The following NHSL1 variants were observed in gnomAD, a reference collection of about 807,000 sequenced individuals.
NHSL1 encodes NHS-like protein 1.
Under a neutral mutation model 95.0 loss-of-function variants are expected in NHSL1, and 48 were observed. That is an observed-to-expected ratio of 0.51 (90% CI 0.40 to 0.64). The LOEUF (loss-of-function observed/expected upper bound fraction) is 0.64. Among genes scored for constraint, NHSL1 ranks in the 30% least tolerant of loss-of-function variants. The pLI is 0.00. For missense variants in NHSL1, 1,971 were observed against 2,077.7 expected (o/e 0.95, Z 1.00); for synonymous variants, 783 against 833.9 (o/e 0.94, Z 1.05).
intron 1 of NHSL1, chr6:138,571,628 T>C (rs1218265834): frequency 7.5e-7 from 1 of 1,332,486 alleles, no homozygotes; most frequent in East Asian, 2.5e-5. Flanking sequence ...GGGGCAAAAA[T>C]CATGAAGGGG....
chr6:138,651,653 A>G (rs1266841263), intron 1 of NHSL1, among the ~76,000 whole-genome samples: 1 of 152,194 alleles, frequency 6.6e-6, no homozygotes, highest in Non-Finnish European at 1.5e-5. Flanking sequence ...CTATCCATAT[A>G]CTCATGTGAA....
chr6:138,620,893 G>C (rs917439025), intron 1 of NHSL1, among the ~76,000 whole-genome samples: 1 of 152,196 alleles, frequency 6.6e-6, no homozygotes, highest in Non-Finnish European at 1.5e-5. Flanking sequence ...CACACACTGG[G>C]AATCTAGAGC....
chr6:138,633,373 CAA>C (rs1248870548), intron 1 of NHSL1, among the ~76,000 whole-genome samples: 1 of 152,122 alleles, frequency 6.6e-6, no homozygotes, highest in East Asian at 1.9e-4. Context: ...GGGTTTAACC[CAA>C]AAAGACCACC....
At chr6:138,644,060 GTTTCGGTTA>G (rs2114690863) in intron 1 of NHSL1, among the ~76,000 whole-genome samples, 1 of 150,686 alleles carries the variant, frequency 6.6e-6, no homozygotes, top group African/African-American at 2.4e-5. Context: ...TCAGAAAAGT[GTTTCGGTTA>G]TTTGAGAATT....
chr6:138,496,490 G>T, intron 1 of NHSL1, 119 bp from the exon 2 acceptor site: 1 of 930,242 alleles, frequency 1.1e-6, no homozygotes, highest in Non-Finnish European at 1.7e-6. Flanking sequence ...AGGGAGCAAT[G>T]GAGCAAATCC....
At chr6:138,659,135 C>T (rs2114728211) in intron 1 of NHSL1, among the ~76,000 whole-genome samples, 2 of 151,132 alleles carry the variant, frequency 1.3e-5, no homozygotes, top group South Asian at 4.2e-4. Flanking sequence ...CTGCAACCTC[C>T]ACTTTCCGAG....
chr6:138,638,568 A>G (rs1195969687), intron 1 of NHSL1, among the ~76,000 whole-genome samples: 1 of 152,224 alleles, frequency 6.6e-6, no homozygotes, highest in Admixed American at 6.5e-5. Flanking sequence ...TCAAGGAGGT[A>G]GGAAAGTTAA....
chr6:138,683,856 A>C (rs1785544937), intron 1 of NHSL1, among the ~76,000 whole-genome samples: 1 of 152,254 alleles, frequency 6.6e-6, no homozygotes, highest in South Asian at 2.1e-4. Flanking sequence ...TGTACATATT[A>C]AGGTGTTTGG....
At chr6:138,448,196 C>T (rs927890022) in intron 3 of NHSL1, among the ~76,000 whole-genome samples, 6 of 152,066 alleles carry the variant, frequency 3.9e-5, no homozygotes, top group African/African-American at 7.2e-5. Flanking sequence ...GTTGTGTTGG[C>T]GAGCATTTTT....
chr6:138,431,084 A>G lies in NHSL1; in HGVS notation c.3261T>C (p.Ala1087=). 1.3e-6 allele frequency: 2 copies of G among 1,551,938 alleles called. No individual in the cohort carries two copies. The highest frequency in any genetic ancestry group is 1.7e-6 in the Non-Finnish European group (2 of 1,147,054). ...TTCGTTCAGACAACTGTGCCGCCTC[A>G]GCGCCTGAGTTCTTTCTCACGGGCC... The part of the protein sequence containing the change: ...QLRPVRKNSG[A]EAAQLSERTA... Residue 1087 remains alanine (A), a synonymous_variant, in exon 6 of 8, where the codon GCT becomes GCC. Coordinates refer to ENST00000343505, the MANE Select transcript of NHSL1 (RefSeq NM_001144060.2). The surrounding 1 kb of genome is among the most constrained non-coding windows in gnomAD (Gnocchi z 4.0).
intron 1 of NHSL1, among the ~76,000 whole-genome samples, chr6:138,585,937 G>A (rs1784128597): frequency 6.6e-6 from 1 of 151,838 alleles, no homozygotes; most frequent in African/African-American, 2.4e-5. Flanking sequence ...TATAGTTCCA[G>A]CTACAAGGGA....
intron 1 of NHSL1, among the ~76,000 whole-genome samples, chr6:138,511,581 C>G (rs1266815605): frequency 1.3e-5 from 2 of 152,122 alleles, no homozygotes; most frequent in Admixed American, 6.6e-5. Flanking sequence ...GCCACCACGC[C>G]CAGCCACTAT....
chr6:138,463,425 C>T (rs12194595), intron 3 of NHSL1, among the ~76,000 whole-genome samples: 15,019 of 152,068 alleles, frequency 0.099, 1,001 homozygotes, highest in Non-Finnish European at 0.15. Context: ...TTGCTCAGTG[C>T]CCACTTGCTC....
intron 1 of NHSL1, chr6:138,650,564 A>G: frequency 1.7e-6 from 1 of 593,852 alleles, no homozygotes; most frequent in Non-Finnish European, 3.3e-6. Context: ...CCAGGAGGTG[A>G]GGGATTAATC....
intron 1 of NHSL1, among the ~76,000 whole-genome samples, chr6:138,507,733 A>G (rs983865415): frequency 1.3e-5 from 2 of 152,224 alleles, no homozygotes; most frequent in Admixed American, 6.5e-5. Flanking sequence ...AAAATCACCA[A>G]TATTCTAGAA....
intron 1 of NHSL1, among the ~76,000 whole-genome samples, chr6:138,602,499 G>A (rs922862585): frequency 9.2e-5 from 14 of 152,044 alleles, no homozygotes; most frequent in African/African-American, 2.4e-4. Context: ...CTGCCACCAC[G>A]CCCAGCTAAT....
At chr6:138,503,453 A>G (rs1171514133), upstream of NHSL1, among the ~76,000 whole-genome samples, 1 of 152,220 alleles carries the variant, frequency 6.6e-6, no homozygotes, top group African/African-American at 2.4e-5. Flanking sequence ...AAGTAAAAGA[A>G]GAAGACTATT....
At position 138,433,523 on chromosome 6, in the gene NHSL1, A is replaced by G. The variant is rs749031688; in HGVS notation, c.822T>C (p.Pro274=). The G allele has an allele frequency of 3.8e-5, 59 of 1,551,836 alleles. No individual in the cohort carries two copies. The African/African-American group carries it at 4.1e-4, about 11-fold the overall frequency. The change falls in exon 6 of 8, where the codon CCT becomes CCC. Residue 274 remains proline, a synonymous_variant. Coordinates refer to ENST00000343505, the MANE Select transcript of NHSL1 (RefSeq NM_001144060.2). ...CQTEDVKVVP[P]SMRRIRAQKG... is the part of the protein sequence containing the mutation. ...TCTGTGCCCTGATTCTCCTCATGGA[A>G]GGTGGTACGACCTTCACATCCTCCG... is the stretch of plus-strand genomic sequence containing the variant.
chr6:138,635,107 C>T (rs1280835129), intron 1 of NHSL1, among the ~76,000 whole-genome samples: 1 of 150,526 alleles, frequency 6.6e-6, no homozygotes, highest in Non-Finnish European at 1.5e-5. Flanking sequence ...AATAAACAAC[C>T]TAACAATACA....
Sources: gnomAD v4.1 joint callset for allele counts (sites outside exome capture counted in the v4.1 genomes callset) on GRCh38, gnomAD v4.1.1 for gene constraint, Gnocchi (gnomAD v3.1) non-coding constraint, MANE v1.5 for transcripts, NCBI Gene and HGNC (gene_info 2026-07-23, HGNC 2026-07-21) for gene names.